Variants in BCO1 observed in about 807,000 individuals in gnomAD.
BCO1 encodes beta-carotene oxygenase 1, also known as beta,beta-carotene 15,15'-dioxygenase.
BCO1 carries 54 observed loss-of-function variants against 56.3 expected under a neutral mutation model. That is an observed-to-expected ratio of 0.96 (90% CI 0.77 to 1.20). The LOEUF (loss-of-function observed/expected upper bound fraction) is 1.20, where lower values mean the gene tolerates loss of function less well. Among genes scored for constraint, BCO1 ranks in the 50% most tolerant of loss-of-function variants. The pLI is 0.00. For synonymous variants in BCO1, 318 were observed against 266.1 expected, an observed-to-expected ratio of 1.20 and a Z score of -1.90; for missense variants, 801 against 690.9, an observed-to-expected ratio of 1.16 and a Z score of -1.79.
At chr16:81,274,464 C>A (rs113808567) in intron 7 of BCO1, among the ~76,000 whole-genome samples, 2 of 152,160 alleles carry the variant, frequency 1.3e-5, no homozygotes, top group East Asian at 1.9e-4. Flanking sequence ...CGGGGTTTCA[C>A]CGTATTAGCC....
intron 5 of BCO1, among the ~76,000 whole-genome samples, chr16:81,266,548 G>A (rs1296079059): frequency 6.6e-6 from 1 of 152,148 alleles, no homozygotes; most frequent in East Asian, 1.9e-4. Flanking sequence ...GAAGGTACAC[G>A]GAGTGTACTT....
At position 81,274,258 on chromosome 16, in the gene BCO1, CTTTTTTTTT is replaced by C. The variant is rs755672295; in HGVS notation, c.1101+3857_1101+3865del. On this transcript the variant is annotated intron_variant, in intron 7 of 10. Transcript: ENST00000258168. ...AAGCTAAGAATGTTAGCTTGTGTAT[CTTTTTTTTT>C]TTTTTTTTTTTTTTGAGACAGAGTC... Among the ~76,000 whole-genome samples, 25 of 80,580 alleles carry C rather than the reference CTTTTTTTTT, an allele frequency of 3.1e-4. No individual in the cohort carries two copies. The East Asian group carries it at 7.3e-3, about 24-fold the overall frequency. 52.9% of individuals were successfully genotyped at this position (80,580 alleles called of 152,430 possible).
intron 5 of BCO1, among the ~76,000 whole-genome samples, chr16:81,267,100 G>A (rs150391737): frequency 2.6e-5 from 4 of 152,268 alleles, no homozygotes; most frequent in South Asian, 2.1e-4. Flanking sequence ...GGTGCAGGGC[G>A]AGGCACATGG....
chr16:81,272,787 C>T (rs1453560622), intron 7 of BCO1, among the ~76,000 whole-genome samples: 3 of 152,168 alleles, frequency 2.0e-5, no homozygotes, highest in African/African-American at 2.4e-5. Flanking sequence ...CTTTGCTAAG[C>T]ATTTTGTTTT....
Position 81,290,554 on chromosome 16 carries a change from TGCCACGG to T in BCO1, c.1623_1629del (p.Cys541TrpfsTer4). 1 of 1,613,814 alleles carries T rather than the reference TGCCACGG, an allele frequency of 6.2e-7. No individual in the cohort carries two copies. Among genetic ancestry groups the T allele is most frequent in the Non-Finnish European group, 8.5e-7 (1 of 1,180,014 alleles). On this transcript the variant is annotated frameshift_variant, in exon 11 of 11. Transcript: ENST00000258168. LOFTEE classifies it low-confidence loss of function (END_TRUNC). ...GGAACAGCGGGACAGGGCTTCCGAC[TGCCACGG>T]GGCTCCTCTGACCTGATGGTGTTGG...
At chr16:81,272,116 T>G (rs1338409455) in intron 7 of BCO1, among the ~76,000 whole-genome samples, 1 of 144,058 alleles carries the variant, frequency 6.9e-6, no homozygotes, top group Non-Finnish European at 1.5e-5. Flanking sequence ...TTTCTTTCTT[T>G]TTTTTTTTTT....
chr16:81,243,274 C>A (rs1057022059), intron 1 of BCO1, among the ~76,000 whole-genome samples: 2 of 152,124 alleles, frequency 1.3e-5, no homozygotes, highest in African/African-American at 4.8e-5. Flanking sequence ...TCCTGTCCTT[C>A]CCTATTATAA....
At chr16:81,253,640 C>T (rs890560238) in intron 2 of BCO1, among the ~76,000 whole-genome samples, 12 of 152,164 alleles carry the variant, frequency 7.9e-5, no homozygotes, top group Admixed American at 3.3e-4. Flanking sequence ...TTTCTTTCTG[C>T]TGCCCAGGAA....
At chr16:81,245,294 C>G (rs1391057926) in intron 1 of BCO1, among the ~76,000 whole-genome samples, 181 bp from the exon 2 acceptor site, 1 of 152,192 alleles carries the variant, frequency 6.6e-6, no homozygotes, top group Non-Finnish European at 1.5e-5. Context: ...ATCTTGGTAT[C>G]CTCAGTGCTA....
chr16:81,249,044 G>C (rs1334218705), intron 2 of BCO1, among the ~76,000 whole-genome samples: 1 of 151,768 alleles, frequency 6.6e-6, no homozygotes, highest in Non-Finnish European at 1.5e-5. Context: ...TTCCTTCCAT[G>C]AGGCCTTGCT....
intron 8 of BCO1, among the ~76,000 whole-genome samples, chr16:81,283,569 A>G (rs1567465269): frequency 6.6e-6 from 1 of 152,250 alleles, no homozygotes; most frequent in East Asian, 1.9e-4. Context: ...TTTGAGGTCA[A>G]GGGCAGGCAC....
intron 2 of BCO1, among the ~76,000 whole-genome samples, chr16:81,246,156 G>A (rs1320811904): frequency 6.6e-6 from 1 of 152,060 alleles, no homozygotes; most frequent in Non-Finnish European, 1.5e-5. Flanking sequence ...AGCAGCAGCA[G>A]AGCATCTTGT....
intron 10 of BCO1, 109 bp downstream of exon 10, chr16:81,287,515 A>G: frequency 1.2e-6 from 1 of 839,838 alleles, no homozygotes; most frequent in Non-Finnish European, 2.0e-6. Flanking sequence ...AAGGGGGTGG[A>G]TTGGTGCTTT....
chr16:81,259,539 G>A (rs1323194331), intron 2 of BCO1, 137 bp from the exon 3 acceptor site: 17 of 800,062 alleles, frequency 2.1e-5, no homozygotes, highest in Admixed American at 8.0e-5. Flanking sequence ...GAATTGTATC[G>A]GCCCTGTGTA....
At chr16:81,275,003 A>G (rs1156987563) in intron 7 of BCO1, among the ~76,000 whole-genome samples, 4 of 152,216 alleles carry the variant, frequency 2.6e-5, no homozygotes, top group Non-Finnish European at 5.9e-5. Context: ...ACGCTTTTTA[A>G]TTGCTACTTA....
intron 8 of BCO1, among the ~76,000 whole-genome samples, chr16:81,284,568 A>G (rs1490961211): frequency 6.6e-6 from 1 of 151,946 alleles, no homozygotes; most frequent in Non-Finnish European, 1.5e-5. Context: ...TTGTTTTTCC[A>G]TAATGTTATT....
intron 1 of BCO1, among the ~76,000 whole-genome samples, chr16:81,241,992 A>T (rs1905144477): frequency 6.6e-6 from 1 of 152,042 alleles, no homozygotes; most frequent in East Asian, 1.9e-4. Context: ...TGCTGCAACG[A>T]TTAAGTGGTT....
intron 2 of BCO1, among the ~76,000 whole-genome samples, chr16:81,255,118 T>C (rs1380139227): frequency 6.6e-6 from 1 of 152,192 alleles, no homozygotes; most frequent in Non-Finnish European, 1.5e-5. Context: ...GTAGTTTGCG[T>C]GGGTAGCTCC....
In BCO1 at chr16:81,267,805, G is replaced by T. The variant is rs183231343; in HGVS notation, c.620-103G>T. ...CTACACGTTGCTGTTTAATGTAAAG[G>T]TTTTTTTCAGCAATCAAGTCAGTTT... On this transcript the variant is annotated intron_variant, in intron 5 of 10. Coordinates refer to ENST00000258168, the MANE Select transcript of BCO1 (RefSeq NM_017429.3). 18 of 989,882 alleles carry T rather than the reference G, an allele frequency of 1.8e-5. No individual in the cohort carries two copies. The East Asian group carries it at 3.6e-4, about 20-fold the overall frequency. 61.3% of individuals were successfully genotyped at this position (989,882 alleles called of 1,614,324 possible).
Sources: allele counts gnomAD v4.1 joint callset (sites outside exome capture counted in the v4.1 genomes callset), GRCh38; gene constraint gnomAD v4.1.1; transcripts MANE v1.5; gene names NCBI Gene and HGNC (gene_info 2026-07-23, HGNC 2026-07-21).